Variants in MROH2B observed in about 807,000 individuals in gnomAD.
MROH2B encodes maestro heat like repeat family member 2B, also known as maestro heat-like repeat-containing protein family member 2B.
A neutral mutation model predicts 208.6 loss-of-function variants in MROH2B; 177 were observed. The ratio of observed to expected loss-of-function variants is 0.85; its 90% CI spans 0.75 to 0.96. MROH2B has a LOEUF of 0.96. Ranked by LOEUF, MROH2B falls within the 40% of genes least tolerant of loss-of-function variation. The pLI, the probability that MROH2B is intolerant of heterozygous loss-of-function variation, is 0.00. For missense variants in MROH2B, 2,002 were observed against 1,878.7 expected, an observed-to-expected ratio of 1.07 and a Z score of -1.21; for synonymous variants, 728 against 659.0, an observed-to-expected ratio of 1.10 and a Z score of -1.60.
Position 41,069,725 on chromosome 5 carries a change from A to G in MROH2B, c.56T>C (p.Leu19Pro). Reference protein sequence around the residue: ...IEMFGDINLTLGMLNKEDIVN... With the variant: ...IEMFGDINLTPGMLNKEDIVN... ...AATATCTTCCTTGTTCAGCATGCCA[A>G]GAGTGAGGTTAATATCCCCAAACAT... Residue 19 changes from leucine to proline, a missense_variant, in exon 2 of 42, where the codon CTT becomes CCT. By Grantham distance (98) the Leu-to-Pro change is moderately conservative. Coordinates refer to ENST00000399564, the MANE Select transcript of MROH2B (RefSeq NM_173489.5). 2 of 1,607,862 alleles carry G rather than the reference A, an allele frequency of 1.2e-6. No individual in the cohort carries two copies. Among genetic ancestry groups the G allele is most frequent in the Middle Eastern group, 1.7e-4 (1 of 6,038 alleles).
Position 41,000,324 on chromosome 5 carries a change from T to G in MROH2B, c.4378A>C (p.Ile1460Leu). ...VACRDVLMVC[I>L]PFLGLQELYG... is the part of the protein sequence containing the mutation. ...AGCTCCTGGAGGCCCAAAAAGGGAA[T>G]GCAGACCATCAAGACATCACGGCAA... Residue 1460 changes from isoleucine to leucine, a missense_variant, in exon 39 of 42, where the codon ATT becomes CTT. By Grantham distance (5) the Ile-to-Leu change is conservative (BLOSUM62 2). Transcript: ENST00000399564. The G allele has an allele frequency of 1.9e-6, 3 of 1,613,844 alleles. No individual in the cohort carries two copies. Among genetic ancestry groups the G allele is most frequent in the Non-Finnish European group, 2.5e-6 (3 of 1,179,812 alleles).
chr5:41,067,454 C>A (rs982729626), intron 2 of MROH2B, among the ~76,000 whole-genome samples: 1 of 152,024 alleles, frequency 6.6e-6, no homozygotes, highest in South Asian at 2.1e-4. Context: ...GCAACCTCTG[C>A]CTCCTGGGTT....
chr5:41,007,380 C>G lies in MROH2B; in HGVS notation c.3683G>C (p.Gly1228Ala), dbSNP rs1165495453. ...GCTGAGTAGAGTCCATAAGTTGTCC[C>G]CCTCATCAGATTCCTTTGCAAGGCC... ...REGLAKESDEGDNLWTLLSSP... is the reference protein window; with the variant it reads ...REGLAKESDEADNLWTLLSSP... Residue 1228 changes from glycine (G) to alanine (A), a missense_variant, in exon 34 of 42, where the codon GGG becomes GCG. Gly to Ala is a moderately conservative substitution (Grantham distance 60, BLOSUM62 0). Coordinates refer to ENST00000399564, the MANE Select transcript of MROH2B (RefSeq NM_173489.5). 1.9e-6 allele frequency: 3 copies of G among 1,551,958 alleles called. No homozygotes were observed. Among genetic ancestry groups the G allele is most frequent in the Non-Finnish European group, 2.6e-6 (3 of 1,146,710 alleles).
intron 6 of MROH2B, among the ~76,000 whole-genome samples, chr5:41,058,613 A>G (rs1309973220): frequency 6.6e-6 from 1 of 152,164 alleles, no homozygotes; most frequent in Non-Finnish European, 1.5e-5. Flanking sequence ...GCCCACCAGC[A>G]TGCCTGGCTA....
chr5:41,018,848 G>A, intron 25 of MROH2B, 35 bp downstream of exon 25: 1 of 1,613,784 alleles, frequency 6.2e-7, no homozygotes, highest in Non-Finnish European at 8.5e-7. Context: ...CCCCACTGCA[G>A]ACTGTCATCC....
rs368649805 is a variant in MROH2B at position 41,005,552 on chromosome 5, G to A, written c.3843C>T (p.Thr1281=). The change falls in exon 35 of 42, where the codon ACC becomes ACT. Residue 1281 remains threonine (T), a synonymous_variant. Transcript: ENST00000399564. ...LTSSSENYRI[T]GAAFFSELMK... ...TTGCCTCAGAGAAGAAAGCTGCGCC[G>A]GTTATCCGGTAGTTCTCCGAGGAGG... is the stretch of plus-strand genomic sequence containing the variant. 2.9e-4 allele frequency: 473 copies of A among 1,605,984 alleles called. 1 individual carries two copies. In the African/African-American group the frequency reaches 5.9e-3, roughly 20 times the overall value.
intron 21 of MROH2B, among the ~76,000 whole-genome samples, chr5:41,036,979 T>G (rs192987): frequency 0.15 from 23,066 of 152,156 alleles, 1,818 homozygotes; most frequent in East Asian, 0.26. Context: ...CAGAACTAAC[T>G]GTACCCTGAA....
chr5:40,998,277 T>C (rs1466703777), intron 41 of MROH2B, 119 bp from the exon 42 acceptor site: 2 of 701,724 alleles, frequency 2.9e-6, no homozygotes, highest in East Asian at 2.5e-5. Context: ...GGGGCTCAGG[T>C]CCTCATGCTC....
chr5:41,009,966 A>G lies in MROH2B; in HGVS notation c.3249T>C (p.Asp1083=). ...AISQIASFHM[D]TVVVNLLQKP... Reference sequence around the variant, plus strand: ...TCTGTAAAAGGTTGACAACAACTGTATCCATGTGAAAGCTGGCTATCTGGG... The same window carrying G: ...TCTGTAAAAGGTTGACAACAACTGTGTCCATGTGAAAGCTGGCTATCTGGG... The change falls in exon 31 of 42, where the codon GAT becomes GAC. Residue 1083 remains aspartate, a synonymous_variant. Transcript: ENST00000399564. 1.2e-6 allele frequency: 2 copies of G among 1,613,890 alleles called. No homozygotes were observed. Among genetic ancestry groups the G allele is most frequent in the Non-Finnish European group, 1.7e-6 (2 of 1,179,814 alleles).
At chr5:41,047,857 C>A in intron 16 of MROH2B, 93 bp from the exon 17 acceptor site, 2 of 1,027,160 alleles carry the variant, frequency 1.9e-6, no homozygotes, top group Non-Finnish European at 2.9e-6. Context: ...TACTGGAGTT[C>A]TATTTTAAGC....
In MROH2B at chr5:41,033,163, A is replaced by C. The variant is rs751696110; in HGVS notation, c.2242-3T>G. The C allele has an allele frequency of 6.2e-7, 1 of 1,612,384 alleles. No homozygotes were observed. The highest frequency in any genetic ancestry group is 8.5e-7 in the Non-Finnish European group (1 of 1,178,906). On this transcript the variant is annotated splice_region_variant and splice_polypyrimidine_tract_variant and intron_variant, in intron 22 of 41. Transcript: ENST00000399564. ...AAACTCATTTGCAGATCCATGTCCT[A>C]AAGCAAAAGCATTTACAATGCAAGT...
In MROH2B at chr5:41,058,048, G is replaced by A; in HGVS notation, c.756+15C>T. The A allele has an allele frequency of 2.0e-6, 3 of 1,537,054 alleles. No homozygotes were observed. The highest frequency in any genetic ancestry group is 2.6e-6 in the Non-Finnish European group (3 of 1,138,812). On this transcript the variant is annotated intron_variant, in intron 7 of 41. Coordinates refer to ENST00000399564, the MANE Select transcript of MROH2B (RefSeq NM_173489.5). ...CGGGTTCTCTGATTCAGTTCCTTTA[G>A]GGTATGGCTCTTACCTGAGTGACAT...
intron 30 of MROH2B, among the ~76,000 whole-genome samples, chr5:41,011,527 A>T (rs1741773032): frequency 6.6e-6 from 1 of 152,244 alleles, no homozygotes; most frequent in Non-Finnish European, 1.5e-5. Context: ...ATTAGCACAG[A>T]GGTAATTTTC....
In MROH2B at chr5:41,000,256, C is replaced by G. The variant is rs374614502; in HGVS notation, c.4446G>C (p.Arg1482Ser). The G allele has an allele frequency of 1.7e-5, 27 of 1,613,726 alleles. No homozygotes were observed. The highest frequency in any genetic ancestry group is 2.1e-5 in the Non-Finnish European group (25 of 1,179,822). ...AGAATTGCCTGTAGAAATCCCTGGC[C>G]CTTGGTAGATCCTGATCAAGGAGAC... Reference protein sequence around the residue: ...LDRLLDQDLPRARDFYRQFCV... With the variant: ...LDRLLDQDLPSARDFYRQFCV... The change falls in exon 39 of 42, where the codon AGG becomes AGC. Residue 1482 changes from arginine (R) to serine (S), a missense_variant. Transcript: ENST00000399564.
chr5:41,010,827 C>A (rs1299805217), intron 30 of MROH2B, among the ~76,000 whole-genome samples: 1 of 152,136 alleles, frequency 6.6e-6, no homozygotes, highest in Non-Finnish European at 1.5e-5. Flanking sequence ...CGTAACAAAT[C>A]TACTCTGGTG....
In MROH2B at chr5:40,998,157, T is replaced by C; in HGVS notation, c.4653A>G (p.Arg1551=). The part of the protein sequence containing the change: ...ELLDREQLTT[R]LQALRQDPCI... ...ACGGATCTTGACGAAGTGCTTGGAG[T>C]CCTGAAATGGCAAGAATAGCAAATA... The change falls in exon 42 of 42, where the codon CGA becomes CGG. Residue 1551 remains arginine, a splice_region_variant and synonymous_variant. Transcript: ENST00000399564. The C allele has an allele frequency of 6.2e-7, 1 of 1,607,920 alleles. No individual in the cohort carries two copies. Among genetic ancestry groups the C allele is most frequent in the Non-Finnish European group, 8.5e-7 (1 of 1,176,018 alleles).
In MROH2B at chr5:41,017,928, C is replaced by T. The variant is rs371175759; in HGVS notation, c.2806G>A (p.Ala936Thr). 7.8e-5 allele frequency: 124 copies of T among 1,582,236 alleles called. No individual in the cohort carries two copies. In the Middle Eastern group the frequency reaches 2.2e-3, roughly 29 times the overall value. The change falls in exon 28 of 42, where the codon GCT becomes ACT. Residue 936 changes from alanine to threonine, a missense_variant. Transcript: ENST00000399564. ...GGCAGGGTATCACAGGAGTGAGGAGCCAGAAGTCCAAGCAGTGAACCAATT... is the reference window on the plus strand; with the variant it reads ...GGCAGGGTATCACAGGAGTGAGGAGTCAGAAGTCCAAGCAGTGAACCAATT... ...FKIGSLLGLLAPHSCDTLPTI... is the reference protein window; with the variant it reads ...FKIGSLLGLLTPHSCDTLPTI...
intron 34 of MROH2B, 102 bp from the exon 35 acceptor site, chr5:41,005,747 T>TTGGC: frequency 9.9e-7 from 1 of 1,006,470 alleles, no homozygotes; most frequent in Non-Finnish European, 1.5e-6. Context: ...AAAGGAATGC[T>TTGGC]TGGCTGGGGG....
intron 24 of MROH2B, among the ~76,000 whole-genome samples, chr5:41,030,313 C>CA (rs1742520875): frequency 6.6e-6 from 1 of 151,764 alleles, no homozygotes; most frequent in Non-Finnish European, 1.5e-5. Flanking sequence ...TTTTGGGTCA[C>CA]AAAAATCAAT....
Sources: gnomAD v4.1 joint callset for allele counts (sites outside exome capture counted in the v4.1 genomes callset) on GRCh38, gnomAD v4.1.1 for gene constraint, MANE v1.5 for transcripts, NCBI Gene and HGNC (gene_info 2026-07-23, HGNC 2026-07-21) for gene names.